Variants in CD163 observed in about 807,000 individuals in gnomAD.
CD163 encodes the protein scavenger receptor cysteine-rich type 1 protein M130.
CD163 carries 64 observed loss-of-function variants against 129.2 expected under a neutral mutation model. That is an observed-to-expected ratio of 0.50 (90% CI 0.41 to 0.61). The LOEUF (loss-of-function observed/expected upper bound fraction) is 0.61. Among genes scored for constraint, CD163 ranks in the 20% least tolerant of loss-of-function variants. The pLI is 0.00. For missense variants in CD163, 1,061 were observed against 1,377.9 expected (o/e 0.77, Z 3.64); for synonymous variants, 446 against 478.5 (o/e 0.93, Z 0.89).
Position 7,495,216 on chromosome 12 carries a change from T to G in CD163, c.1285A>C (p.Lys429Gln), listed in dbSNP as rs753171037. 6.2e-7 allele frequency: 1 copy of G among 1,614,168 alleles called. No individual in the cohort carries two copies. Among genetic ancestry groups the G allele is most frequent in the Non-Finnish European group, 8.5e-7 (1 of 1,180,010 alleles). The change falls in exon 6 of 17, where the codon AAA becomes CAA. Residue 429 changes from lysine to glutamine, a missense_variant. Coordinates refer to ENST00000432237, the MANE Select transcript of CD163 (RefSeq NM_203416.4). ...AGCCATGTGTTTGTTGCCTGGATTT[T>G]GGAGTACACTTGATAAGATGTTTTG... is the stretch of plus-strand genomic sequence containing the variant. ...ALKTSYQVYS[K>Q]IQATNTWLFL... is the part of the protein sequence containing the mutation.
chr12:7,490,462 T>C (rs755364941), intron 6 of CD163, among the ~76,000 whole-genome samples: 2 of 152,148 alleles, frequency 1.3e-5, no homozygotes, highest in South Asian at 4.2e-4. Context: ...TATAAAGTAC[T>C]TAAGAGATAC....
Position 7,482,639 on chromosome 12 carries a change from A to C in CD163, c.3247+4T>G. The C allele has an allele frequency of 6.2e-7, 1 of 1,614,034 alleles. No homozygotes were observed. The highest frequency in any genetic ancestry group is 8.5e-7 in the Non-Finnish European group (1 of 1,179,956). On this transcript the variant is annotated splice_donor_region_variant and intron_variant, in intron 14 of 16. Transcript: ENST00000432237. ...ATATTAGATAAACCAAATTTGGCTCAAACCTGCAAGCCGCTGTCTCTGTCT... is the reference window on the plus strand; with the variant it reads ...ATATTAGATAAACCAAATTTGGCTCCAACCTGCAAGCCGCTGTCTCTGTCT...
chr12:7,488,142 C>A, intron 6 of CD163, 55 bp from the exon 7 acceptor site: 1 of 1,499,804 alleles, frequency 6.7e-7, no homozygotes, highest in South Asian at 1.3e-5. Context: ...GATTTCCATT[C>A]ATGATGAGGG....
rs74056488 is a variant in CD163, at chr12:7,479,937, G to T, written c.3344-24C>A. ...TCCTTTTCCATTCCAGAAATAGGAA[G>T]AAATTTAGACACAGAAATTAGTTCA... On this transcript the variant is annotated intron_variant, in intron 15 of 16. Transcript: ENST00000432237. 3,038 of 1,612,580 alleles carry T rather than the reference G, an allele frequency of 1.9e-3. 42 individuals are homozygous for T. In the African/African-American group the frequency reaches 0.034, roughly 18 times the overall value.
intron 16 of CD163, among the ~76,000 whole-genome samples, chr12:7,473,585 G>A (rs1315104063): frequency 2.6e-5 from 4 of 152,104 alleles, no homozygotes; most frequent in African/African-American, 9.7e-5. Flanking sequence ...CACTAAATAT[G>A]GAAAAGAAAA....
chr12:7,486,906 C>G lies in CD163; in HGVS notation c.2131G>C (p.Val711Leu). The change falls in exon 9 of 17, where the codon GTG becomes CTG. Residue 711 changes from valine (V) to leucine (L), a missense_variant. Transcript: ENST00000432237. ...CACAGAGTCTTACCTATGCAGGCCA[C>G]AGCACTTTCTTCTGGAATGGTAGGC... ...TRPTIPEESA[V>L]ACIESGQLRL... is the part of the protein sequence containing the mutation. 1.2e-6 allele frequency: 2 copies of G among 1,613,912 alleles called. No homozygotes were observed. The highest frequency in any genetic ancestry group is 1.7e-6 in the Non-Finnish European group (2 of 1,179,792).
Position 7,483,011 on chromosome 12 carries a change from G to A in CD163, c.3089-7C>T, listed in dbSNP as rs1192365194. 2 of 1,613,058 alleles carry A rather than the reference G, an allele frequency of 1.2e-6. No individual in the cohort carries two copies. The highest frequency in any genetic ancestry group is 1.3e-5 in the African/African-American group (1 of 74,870). Reference sequence around the variant, plus strand: ...GTTTTCTGCACTGAAATATCTGTAGGAGAAAAGAAAGAGAGAGGGTTAATT... The same window carrying A: ...GTTTTCTGCACTGAAATATCTGTAGAAGAAAAGAAAGAGAGAGGGTTAATT... On this transcript the variant is annotated splice_polypyrimidine_tract_variant and splice_region_variant and intron_variant, in intron 12 of 16. Coordinates refer to ENST00000432237, the MANE Select transcript of CD163 (RefSeq NM_203416.4).
intron 16 of CD163, among the ~76,000 whole-genome samples, chr12:7,477,554 G>C (rs906658594): frequency 6.6e-6 from 1 of 152,114 alleles, no homozygotes; most frequent in Non-Finnish European, 1.5e-5. Flanking sequence ...CATGGACACA[G>C]GGAGGGGAAC....
intron 1 of CD163, chr12:7,502,834 TA>T: frequency 3.6e-6 from 2 of 548,868 alleles, no homozygotes; most frequent in Non-Finnish European, 6.4e-6. Context: ...GGTCAACCCT[TA>T]AAACCTGGAA....
chr12:7,484,497 G>C (rs1241063815), intron 11 of CD163, among the ~76,000 whole-genome samples: 1 of 152,056 alleles, frequency 6.6e-6, no homozygotes, highest in Non-Finnish European at 1.5e-5. Flanking sequence ...AAATTAGCTG[G>C]GCATGGTGGC....
chr12:7,483,641 A>G lies in CD163; in HGVS notation c.2814T>C (p.Cys938=), dbSNP rs199560015. 6.2e-7 allele frequency: 1 copy of G among 1,613,638 alleles called. No homozygotes were observed. The highest frequency in any genetic ancestry group is 8.5e-7 in the Non-Finnish European group (1 of 1,179,820). The change falls in exon 12 of 17, where the codon TGT becomes TGC. Residue 938 remains cysteine (C), a synonymous_variant. Transcript: ENST00000432237. ...KIRLQEGPTS[C]SGRVEIWHGG... ...CATGCCAGATCTCCACACGTCCAGAACAGGAAGTGGGTCCTTCCTGAAGTC... is the reference window on the plus strand; with the variant it reads ...CATGCCAGATCTCCACACGTCCAGAGCAGGAAGTGGGTCCTTCCTGAAGTC...
intron 15 of CD163, 49 bp from the exon 16 acceptor site, chr12:7,479,962 A>C: frequency 6.2e-7 from 1 of 1,612,362 alleles, no homozygotes; most frequent in Non-Finnish European, 8.5e-7. Flanking sequence ...AAATTAGTTC[A>C]GCAGCACTGA....
rs1206786125 is a variant in CD163 at position 7,479,988 on chromosome 12, G to A, written c.3344-75C>T. The stretch of plus-strand genomic sequence containing the variant: ...GCAGCACTGAAATCAGCTGACTCAT[G>A]GGAATTTTCTGAAAGGAAGAAAATA... On this transcript the variant is annotated intron_variant, in intron 15 of 16. Transcript: ENST00000432237. The A allele has an allele frequency of 6.2e-7, 1 of 1,607,832 alleles. No homozygotes were observed. Among genetic ancestry groups the A allele is most frequent in the Non-Finnish European group, 8.5e-7 (1 of 1,178,104 alleles).
Position 7,486,782 on chromosome 12 carries a change from T to G in CD163, c.2175A>C (p.Gly725=), listed in dbSNP as rs1332901322. ...TCTCTACTCTCCCAGCACAGCGACC[T>G]CCTCCATTTACCAGGCGAAGTTGAC... ...ESGQLRLVNG[G]GRCAGRVEIY... Residue 725 remains glycine, a synonymous_variant, in exon 10 of 17, where the codon GGA becomes GGC. Transcript: ENST00000432237. 6.2e-6 allele frequency: 10 copies of G among 1,610,930 alleles called. No individual in the cohort carries two copies. Among genetic ancestry groups the G allele is most frequent in the Non-Finnish European group, 8.5e-6 (10 of 1,177,714 alleles).
At chr12:7,500,760 G>T (rs1342398737) in intron 3 of CD163, among the ~76,000 whole-genome samples, 1 of 152,150 alleles carries the variant, frequency 6.6e-6, no homozygotes, top group Non-Finnish European at 1.5e-5. Context: ...GTAATAATTT[G>T]TGGGTCAACA....
chr12:7,480,928 C>T (rs1949153709), intron 15 of CD163: 6 of 1,196,814 alleles, frequency 5.0e-6, no homozygotes, highest in Non-Finnish European at 6.2e-6. Context: ...ATGGTTCTTT[C>T]CATACCTCTA....
intron 14 of CD163, among the ~76,000 whole-genome samples, chr12:7,481,907 A>C (rs1189645955): frequency 6.6e-6 from 1 of 151,892 alleles, no homozygotes; most frequent in Non-Finnish European, 1.5e-5. Flanking sequence ...TCTTCTCTAG[A>C]ATGTTCCTCA....
chr12:7,479,867 G>A lies in CD163; in HGVS notation c.*24C>T, dbSNP rs758272020. On this transcript the variant is annotated 3_prime_UTR_variant, in exon 16 of 17. Transcript: ENST00000432237. ...TAAATTCTCATCACTCACCTCACTG[G>A]GTTATAAATTCCCATTTTCCTTTTC... 23 of 1,611,844 alleles carry A rather than the reference G, an allele frequency of 1.4e-5. No individual in the cohort carries two copies. Among genetic ancestry groups the A allele is most frequent in the African/African-American group, 2.7e-5 (2 of 74,788 alleles).
intron 6 of CD163, 64 bp from the exon 7 acceptor site, chr12:7,488,151 G>A (rs1949282827): frequency 1.1e-5 from 16 of 1,471,050 alleles, no homozygotes; most frequent in Non-Finnish European, 1.5e-5. Context: ...TCATGATGAG[G>A]GTGAAGAAGG....
Sources: gnomAD v4.1 joint callset for allele counts (sites outside exome capture counted in the v4.1 genomes callset) on GRCh38, gnomAD v4.1.1 for gene constraint, MANE v1.5 for transcripts, NCBI Gene and HGNC (gene_info 2026-07-23, HGNC 2026-07-21) for gene names.